RORA: variants seen among roughly 807,000 people sequenced by gnomAD.
RORA encodes nuclear receptor ROR-alpha.
A neutral mutation model predicts 69.5 loss-of-function variants in RORA; 7 were observed. The observed-to-expected ratio is 0.10, with a 90% CI of 0.06 to 0.19. The LOEUF is 0.19. Among genes scored for constraint, RORA ranks in the 10% least tolerant of loss-of-function variants. RORA has a pLI of 1.00. For missense variants in RORA, 457 were observed against 663.0 expected, an observed-to-expected ratio of 0.69 and a Z score of 3.41; for synonymous variants, 261 against 240.8, an observed-to-expected ratio of 1.08 and a Z score of -0.78.
chr15:61,081,050 A>AATTCTC (rs2140657492), intron 1 of RORA, among the ~76,000 whole-genome samples: 1 of 152,352 alleles, frequency 6.6e-6, no homozygotes, highest in Non-Finnish European at 1.5e-5. Context: ...CACAGGGCCG[A>AATTCTC]CGAATTCTCC....
At chr15:60,747,693 T>C (rs372609100) in intron 1 of RORA, among the ~76,000 whole-genome samples, 2 of 152,104 alleles carry the variant, frequency 1.3e-5, no homozygotes, top group African/African-American at 2.4e-5. Context: ...CAGTATGTGA[T>C]TGCTGGAGGA....
rs547739667 is a variant in RORA at position 61,001,656 on chromosome 15, G to A, written c.166+227397C>T. Among the ~76,000 whole-genome samples, 33 of 152,356 alleles carry A rather than the reference G, an allele frequency of 2.2e-4. No homozygotes were observed. The South Asian group carries it at 6.8e-3, about 32-fold the overall frequency. On this transcript the variant is annotated intron_variant, in intron 1 of 10. Transcript: ENST00000335670. ...CCTAGACACTAGGGATACAGTAGGG[G>A]AAGCCAACATGGTAACTGTGCTGGC...
At chr15:61,058,856 G>A (rs1329498190) in intron 1 of RORA, among the ~76,000 whole-genome samples, 3 of 152,154 alleles carry the variant, frequency 2.0e-5, no homozygotes, top group Non-Finnish European at 4.4e-5. Flanking sequence ...AAAGCCCAAC[G>A]CCTAACACAA....
At chr15:61,026,411 T>C (rs1000020050) in intron 1 of RORA, among the ~76,000 whole-genome samples, 5 of 152,354 alleles carry the variant, frequency 3.3e-5, no homozygotes, top group Middle Eastern at 3.4e-3. Context: ...CGGTAGCCAT[T>C]CTGTTCACTT....
chr15:60,870,014 C>A (rs2073537018), intron 1 of RORA, among the ~76,000 whole-genome samples: 1 of 152,188 alleles, frequency 6.6e-6, no homozygotes, highest in Admixed American at 6.5e-5. Flanking sequence ...CTGTGGTTGA[C>A]TGGGCCAAGG....
intron 1 of RORA, among the ~76,000 whole-genome samples, chr15:61,054,862 C>T (rs1460956748): frequency 6.8e-6 from 1 of 147,650 alleles, no homozygotes; most frequent in African/African-American, 2.5e-5. Context: ...AGTGAGGCAG[C>T]GTCTCACTCT....
Position 60,905,105 on chromosome 15 carries a change from G to A in RORA, c.167-226419C>T, listed in dbSNP as rs1401688062. 6.6e-6 allele frequency among the ~76,000 whole-genome samples: 1 copy of A among 152,144 alleles called. No individual in the cohort carries two copies. Among genetic ancestry groups the A allele is most frequent in the Non-Finnish European group, 1.5e-5 (1 of 68,026 alleles). On this transcript the variant is annotated intron_variant, in intron 1 of 10. Transcript: ENST00000335670. This position sits in a 1 kb window ranked among gnomAD's most constrained non-coding sequence, Gnocchi z 4.8. ...TGTTAATGAGACTCATTCATACCAT[G>A]GGCTGGGGAGGCTTGGAAATATTTT...
At chr15:60,570,979 C>A (rs568683185) in intron 2 of RORA, among the ~76,000 whole-genome samples, 1 of 152,150 alleles carries the variant, frequency 6.6e-6, no homozygotes, top group South Asian at 2.1e-4. Flanking sequence ...GCTATTTTGC[C>A]CTGTCTGTAT....
intron 1 of RORA, among the ~76,000 whole-genome samples, chr15:60,703,264 G>A (rs1024503226): frequency 9.2e-5 from 14 of 151,944 alleles, no homozygotes; most frequent in African/African-American, 2.2e-4. Flanking sequence ...TCATTAAGTC[G>A]CAGGGTTAAG....
intron 1 of RORA, among the ~76,000 whole-genome samples, chr15:61,168,929 G>A (rs1294364405): frequency 6.6e-6 from 1 of 152,146 alleles, no homozygotes; most frequent in Non-Finnish European, 1.5e-5. Flanking sequence ...AACCTGCCTT[G>A]GAGTGACCTC....
chr15:61,194,911 T>C (rs1050311091), intron 1 of RORA, among the ~76,000 whole-genome samples: 23 of 152,094 alleles, frequency 1.5e-4, no homozygotes, highest in African/African-American at 4.8e-4. Context: ...ACCATTCTCA[T>C]TGAAGTGCTG....
chr15:60,888,763 G>C (rs1162748313), intron 1 of RORA, among the ~76,000 whole-genome samples: 1 of 152,126 alleles, frequency 6.6e-6, no homozygotes, highest in Admixed American at 6.5e-5. Context: ...GTGAGCCACA[G>C]AGAAAAGCTG....
In RORA at chr15:60,784,812, C is replaced by G. The variant is rs186226030; in HGVS notation, c.167-106126G>C. 1.1e-3 allele frequency among the ~76,000 whole-genome samples: 172 copies of G among 152,290 alleles called. 4 individuals are homozygous for G. The East Asian group carries it at 0.02, about 18-fold the overall frequency. On this transcript the variant is annotated intron_variant, in intron 1 of 10. Coordinates refer to ENST00000335670, the MANE Select transcript of RORA (RefSeq NM_134261.3). ...AACCTCTATAAAGTAGAAATGTCGC[C>G]TATGCCCTTCACCAGTATCCTAGCT...
chr15:60,914,705 TG>T (rs1404082978), intron 1 of RORA, among the ~76,000 whole-genome samples: 1 of 152,186 alleles, frequency 6.6e-6, no homozygotes, highest in African/African-American at 2.4e-5. Flanking sequence ...GGAAGTAATC[TG>T]TGAATGTGAT....
At chr15:60,711,005 C>T (rs532192916) in intron 1 of RORA, among the ~76,000 whole-genome samples, 5 of 152,302 alleles carry the variant, frequency 3.3e-5, no homozygotes, top group African/African-American at 1.2e-4. Context: ...CTTAACACTG[C>T]TGGGAAGTGG....
intron 1 of RORA, among the ~76,000 whole-genome samples, chr15:60,776,104 G>T (rs1349497863): frequency 6.6e-6 from 1 of 152,172 alleles, no homozygotes; most frequent in Non-Finnish European, 1.5e-5. Flanking sequence ...TATTTTGCTG[G>T]CTCGGCTAGA....
chr15:61,050,715 TAA>T (rs1353363250), intron 1 of RORA, among the ~76,000 whole-genome samples: 2 of 152,214 alleles, frequency 1.3e-5, no homozygotes, highest in African/African-American at 2.4e-5. Context: ...TCTCCTGCGA[TAA>T]GAGTAAGACC....
chr15:60,651,510 T>A (rs368892618), intron 2 of RORA, among the ~76,000 whole-genome samples: 1 of 152,188 alleles, frequency 6.6e-6, no homozygotes, highest in Admixed American at 6.5e-5. Context: ...CCTTGATTGC[T>A]CCTTTGCAAA....
At chr15:60,940,684 T>C (rs1892668072) in intron 1 of RORA, among the ~76,000 whole-genome samples, 3 of 152,188 alleles carry the variant, frequency 2.0e-5, no homozygotes, top group East Asian at 1.9e-4. Context: ...TCCCAGCAGT[T>C]TGGGAGTCCG....
Sources: allele counts gnomAD v4.1 joint callset (sites outside exome capture counted in the v4.1 genomes callset), GRCh38; gene constraint gnomAD v4.1.1; non-coding constraint Gnocchi (gnomAD v3.1); transcripts MANE v1.5; gene names NCBI Gene and HGNC (gene_info 2026-07-23, HGNC 2026-07-21).